Variants in PCDHGB2 observed in about 807,000 individuals in gnomAD.
PCDHGB2 encodes the protein protocadherin gamma subfamily B, 2.
Under a neutral mutation model 59.3 loss-of-function variants are expected in PCDHGB2, and 55 were observed. The ratio of observed to expected loss-of-function variants is 0.93; its 90% CI spans 0.75 to 1.16. PCDHGB2 has a LOEUF of 1.16. Among genes scored for constraint, PCDHGB2 ranks in the 50% most tolerant of loss-of-function variants. The pLI is 0.00. For missense variants in PCDHGB2, 1,228 were observed against 1,198.5 expected, an observed-to-expected ratio of 1.02 and a Z score of -0.36; for synonymous variants, 516 against 512.0, an observed-to-expected ratio of 1.01 and a Z score of -0.11.
intron 1 of PCDHGB2, chr5:141,415,006 C>T (rs1353721901): frequency 1.2e-6 from 2 of 1,613,652 alleles, no homozygotes; most frequent in Non-Finnish European, 8.5e-7. Flanking sequence ...GCTGTCCTAC[C>T]GTCTGCTCAA....
At chr5:141,430,715 A>T in intron 1 of PCDHGB2, 1 of 1,483,384 alleles carries the variant, frequency 6.7e-7, no homozygotes, top group Non-Finnish European at 8.9e-7. Context: ...TCCTGACTTC[A>T]GTGGTTAAGG....
At chr5:141,459,930 T>C (rs1385764489) in intron 1 of PCDHGB2, among the ~76,000 whole-genome samples, 1 of 152,176 alleles carries the variant, frequency 6.6e-6, no homozygotes, top group East Asian at 1.9e-4. Context: ...TATATCCTTG[T>C]AGCTGGGCGT....
intron 1 of PCDHGB2, chr5:141,405,253 C>T (rs78501291): frequency 0.034 from 55,338 of 1,614,052 alleles, 1,052 homozygotes; most frequent in Middle Eastern, 0.098. Flanking sequence ...GGAAGAGTCA[C>T]CTGATCTTCC....
chr5:141,394,561 A>ACCTGCGGAGCTACCT, intron 1 of PCDHGB2: 2 of 1,613,954 alleles, frequency 1.2e-6, no homozygotes, highest in Non-Finnish European at 1.7e-6. Context: ...CGCTCCGCAG[A>ACCTGCGGAGCTACCT]GCGTGGCTAC....
chr5:141,385,283 T>C, intron 1 of PCDHGB2: 1 of 1,613,444 alleles, frequency 6.2e-7, no homozygotes, highest in Non-Finnish European at 8.5e-7. Flanking sequence ...CTAACATCCG[T>C]AGATTTTCAG....
chr5:141,375,960 TGC>T (rs1772099160), intron 1 of PCDHGB2: 2 of 1,613,220 alleles, frequency 1.2e-6, no homozygotes, highest in South Asian at 2.2e-5. Flanking sequence ...ACGGGCGAGG[TGC>T]GCACGGCGCG....
intron 1 of PCDHGB2, chr5:141,416,276 A>G (rs553989511): frequency 6.6e-6 from 1 of 152,388 alleles, no homozygotes; most frequent in East Asian, 1.9e-4. Context: ...TTTTGCATAC[A>G]ATTCTCTAAT....
At chr5:141,453,521 T>A (rs1311886024) in intron 1 of PCDHGB2, among the ~76,000 whole-genome samples, 2 of 152,148 alleles carry the variant, frequency 1.3e-5, no homozygotes, top group Non-Finnish European at 2.9e-5. Flanking sequence ...TCCTCCCCTA[T>A]ACCTTCTGCC....
chr5:141,511,581 T>C lies in PCDHGB2; in HGVS notation c.*408T>C, dbSNP rs2099883862. ...TCTTTCCCGAGTAAGGTGGTTGGGG[T>C]GTTGAAGTACCAAGTAACCTACAAG... On this transcript the variant is annotated 3_prime_UTR_variant, in exon 4 of 4. Transcript: ENST00000522605. 1 of 281,638 alleles carries C rather than the reference T, an allele frequency of 3.6e-6. No homozygotes were observed. The highest frequency in any genetic ancestry group is 2.2e-5 in the African/African-American group (1 of 46,302). 17.4% of individuals were successfully genotyped at this position (281,638 alleles called of 1,614,324 possible). A position where few individuals can be genotyped will look rare whatever the true frequency, so the allele number is the denominator to read the frequency against.
At chr5:141,366,516 G>C (rs1198130864) in intron 1 of PCDHGB2, 1 of 1,614,156 alleles carries the variant, frequency 6.2e-7, no homozygotes, top group African/African-American at 1.3e-5. Flanking sequence ...CAGGCTGAAG[G>C]CAGCAGGTTG....
Position 141,490,983 on chromosome 5 carries a change from C to T in PCDHGB2, c.2422-3824C>T. ...ACTCAGCCCCCCAGCGTCTCCCTCG[C>T]TCTGCTCCTCCTGGCTCCTTGGTCA... On this transcript the variant is annotated intron_variant, in intron 1 of 3. Transcript: ENST00000522605. The surrounding 1 kb of genome is among the most constrained non-coding windows in gnomAD (Gnocchi z 5.4). 2 of 1,614,120 alleles carry T rather than the reference C, an allele frequency of 1.2e-6. No individual in the cohort carries two copies. Among genetic ancestry groups the T allele is most frequent in the South Asian group, 2.2e-5 (2 of 91,082 alleles).
intron 1 of PCDHGB2, chr5:141,375,303 A>T: frequency 3.1e-6 from 5 of 1,613,850 alleles, no homozygotes; most frequent in Non-Finnish European, 4.2e-6. Context: ...TTAGTGACAA[A>T]TGCAGCTCTA....
At chr5:141,394,754 G>A (rs753264235) in intron 1 of PCDHGB2, 3 of 1,613,428 alleles carry the variant, frequency 1.9e-6, no homozygotes, top group African/African-American at 2.7e-5. Flanking sequence ...TGGCCGTCCA[G>A]GACCATGGCC....
intron 1 of PCDHGB2, chr5:141,409,616 G>T: frequency 6.2e-7 from 1 of 1,613,882 alleles, no homozygotes; most frequent in African/African-American, 1.3e-5. Context: ...AGCCTCCATT[G>T]CGCAAGTGAG....
rs200790843 is a variant in PCDHGB2 at position 141,432,196 on chromosome 5, C to A, written c.2422-62611C>A. ...TCGTCTCTGTGACCGCCCACGACCCCGACTGTGAAGAGAACGCCCAGATCA... is the reference window on the plus strand; with the variant it reads ...TCGTCTCTGTGACCGCCCACGACCCAGACTGTGAAGAGAACGCCCAGATCA... On this transcript the variant is annotated intron_variant, in intron 1 of 3. Coordinates refer to ENST00000522605, the MANE Select transcript of PCDHGB2 (RefSeq NM_018923.3). This position sits in a 1 kb window ranked among gnomAD's most constrained non-coding sequence, Gnocchi z 6.0. The A allele has an allele frequency of 6.2e-7, 1 of 1,614,192 alleles. No homozygotes were observed.
At chr5:141,494,250 G>C (rs908660385) in intron 1 of PCDHGB2, among the ~76,000 whole-genome samples, 3 of 152,182 alleles carry the variant, frequency 2.0e-5, no homozygotes, top group African/African-American at 7.2e-5. Flanking sequence ...TTTAGCTGTG[G>C]GAAGAGATTC....
chr5:141,492,503 A>G (rs1341352458), intron 1 of PCDHGB2, among the ~76,000 whole-genome samples: 1 of 151,188 alleles, frequency 6.6e-6, no homozygotes, highest in Non-Finnish European at 1.5e-5. Context: ...AGGACTCCGG[A>G]GCCTCCTCTC....
intron 1 of PCDHGB2, among the ~76,000 whole-genome samples, chr5:141,474,029 C>T (rs1047673843): frequency 6.6e-6 from 1 of 152,092 alleles, no homozygotes; most frequent in Non-Finnish European, 1.5e-5. Context: ...ATGATTATTC[C>T]ACTGTACTCC....
At chr5:141,481,913 C>CAAAAA (rs34114744) in intron 1 of PCDHGB2, among the ~76,000 whole-genome samples, 2 of 90,852 alleles carry the variant, frequency 2.2e-5, no homozygotes, top group Non-Finnish European at 4.4e-5. Flanking sequence ...AACTCCATCT[C>CAAAAA]AAAAAAAAAA....
Sources: gnomAD v4.1 joint callset for allele counts (sites outside exome capture counted in the v4.1 genomes callset) on GRCh38, gnomAD v4.1.1 for gene constraint, Gnocchi (gnomAD v3.1) non-coding constraint, MANE v1.5 for transcripts, NCBI Gene and HGNC (gene_info 2026-07-23, HGNC 2026-07-21) for gene names.